Variants in GABRA3 observed in about 807,000 individuals in gnomAD.
GABRA3 encodes the protein gamma-aminobutyric acid receptor subunit alpha-3.
GABRA3 carries 10 observed loss-of-function variants against 30.1 expected under a neutral mutation model. The observed-to-expected ratio is 0.33, with a 90% confidence interval of 0.20 to 0.56. GABRA3 has a LOEUF of 0.56. GABRA3 is among the 20% of genes least tolerant of loss of function. GABRA3 has a pLI of 0.89. For synonymous variants in GABRA3, 151 were observed against 146.8 expected (o/e 1.03, Z -0.21); for missense variants, 233 against 392.0 (o/e 0.59, Z 3.42).
intron 3 of GABRA3, among the ~76,000 whole-genome samples, chrX:152,325,747 A>T (rs947976781): frequency 9.6e-4 from 107 of 111,931 alleles, no homozygotes; most frequent in Non-Finnish European, 1.4e-3. Context: ...GATGGGGAGA[A>T]ACCAGAGCAG....
chrX:152,260,243 C>T (rs1420011910), intron 4 of GABRA3, among the ~76,000 whole-genome samples: 1 of 111,312 alleles, frequency 9.0e-6, no homozygotes, highest in Non-Finnish European at 1.9e-5. Flanking sequence ...AGGTAGATTT[C>T]TATTTATGAC....
intron 2 of GABRA3, among the ~76,000 whole-genome samples, chrX:152,362,115 C>T (rs1928526054): frequency 9.0e-6 from 1 of 110,858 alleles, no homozygotes; most frequent in Non-Finnish European, 1.9e-5. Flanking sequence ...GCAGCCTCAG[C>T]CCCAGAGATT....
chrX:152,222,355 G>A (rs915978845), intron 6 of GABRA3, among the ~76,000 whole-genome samples: 4 of 105,644 alleles, frequency 3.8e-5, no homozygotes, highest in African/African-American at 6.9e-5. Flanking sequence ...CATTGAATTC[G>A]AATTTAAGAT....
At chrX:152,332,373 T>A (rs1940176484) in intron 3 of GABRA3, among the ~76,000 whole-genome samples, 1 of 111,755 alleles carries the variant, frequency 8.9e-6, no homozygotes, top group African/African-American at 3.3e-5. Flanking sequence ...AAAGCTATGC[T>A]AAGATTGCTA....
chrX:152,369,698 T>G (rs987263706), intron 1 of GABRA3, among the ~76,000 whole-genome samples: 25 of 111,632 alleles, frequency 2.2e-4, no homozygotes, highest in Non-Finnish European at 3.8e-5. Flanking sequence ...TCATACATCC[T>G]ATACAGTTGT....
chrX:152,357,301 T>A (rs1047306652), intron 2 of GABRA3, among the ~76,000 whole-genome samples: 7 of 111,962 alleles, frequency 6.3e-5, no homozygotes, highest in African/African-American at 2.3e-4. Context: ...ATAATTTGAC[T>A]TTTTAATAAT....
chrX:152,409,954 T>A (rs972263375), intron 1 of GABRA3, among the ~76,000 whole-genome samples: 2 of 112,621 alleles, frequency 1.8e-5, no homozygotes, highest in African/African-American at 6.4e-5. Flanking sequence ...AAATAGAGAA[T>A]CAACCTAAAG....
At chrX:152,190,882 A>C (rs1937316198) in intron 8 of GABRA3, among the ~76,000 whole-genome samples, 1 of 108,487 alleles carries the variant, frequency 9.2e-6, no homozygotes, top group African/African-American at 3.3e-5. Context: ...ATATATATAT[A>C]TATATAATAT....
Position 152,374,343 on chromosome X carries a change from T to C in GABRA3, c.-26-9747A>G, listed in dbSNP as rs1386249856. 6.3e-4 allele frequency among the ~76,000 whole-genome samples: 54 copies of C among 85,143 alleles called. 1 individual carries two copies. Among genetic ancestry groups the C allele is most frequent in the African/African-American group, 1.9e-3 (43 of 22,669 alleles). 73.9% of individuals were successfully genotyped at this position (85,143 alleles called of 115,157 possible). A position where few individuals can be genotyped will look rare whatever the true frequency, so the allele number is the denominator to read the frequency against. On this transcript the variant is annotated intron_variant, in intron 1 of 9. Coordinates refer to ENST00000370314, the MANE Select transcript of GABRA3 (RefSeq NM_000808.4). ...CAATTTTTTCTTTTCTTTTCTTTTT[T>C]TTTTTTTTTTTTTTTTGAGATGGAA...
chrX:152,204,464 C>T, intron 7 of GABRA3, among the ~76,000 whole-genome samples: 1 of 111,316 alleles, frequency 9.0e-6, no homozygotes, highest in Non-Finnish European at 1.9e-5. Flanking sequence ...AAGTTTGCTG[C>T]CTTGTTTCCA....
chrX:152,368,107 AATTTCTTCCCCCTGCTCATAATCCTCCC>A (rs1928705306), intron 1 of GABRA3, among the ~76,000 whole-genome samples: 1 of 111,787 alleles, frequency 8.9e-6, no homozygotes. Context: ...TAAGGCAGAT[AATTTCTTCCCCCTGCTCATAATCCTCCC>A]ATTTCTTCCC....
At chrX:152,200,411 C>CA (rs1937467351) in intron 7 of GABRA3, among the ~76,000 whole-genome samples, 3 of 112,244 alleles carry the variant, frequency 2.7e-5, no homozygotes, top group Admixed American at 1.9e-4. Flanking sequence ...TATGTGAACA[C>CA]AAAAAATACA....
At chrX:152,246,273 A>G (rs147051224) in intron 5 of GABRA3, among the ~76,000 whole-genome samples, 279 of 111,994 alleles carry the variant, frequency 2.5e-3, no homozygotes, top group African/African-American at 8.6e-3. Context: ...ATGAACTTTT[A>G]AACAGACTCA....
chrX:152,284,343 C>A (rs983259953), intron 4 of GABRA3, among the ~76,000 whole-genome samples: 2 of 111,302 alleles, frequency 1.8e-5, no homozygotes, highest in African/African-American at 6.5e-5. Flanking sequence ...CTACCTGTAC[C>A]AATATGTGTG....
chrX:152,256,991 G>A (rs1352084466), intron 4 of GABRA3, among the ~76,000 whole-genome samples: 1 of 111,372 alleles, frequency 9.0e-6, no homozygotes, highest in Non-Finnish European at 1.9e-5. Flanking sequence ...ATCCCAGAAG[G>A]GATGGGCCTC....
At chrX:152,356,032 A>G (rs1940544395) in intron 2 of GABRA3, among the ~76,000 whole-genome samples, 2 of 111,511 alleles carry the variant, frequency 1.8e-5, no homozygotes, top group African/African-American at 6.5e-5. Context: ...AGATTAAAAA[A>G]TCAGATTAGA....
At chrX:152,414,335 T>C (rs978414566) in intron 1 of GABRA3, among the ~76,000 whole-genome samples, 1 of 111,335 alleles carries the variant, frequency 9.0e-6, no homozygotes, top group African/African-American at 3.3e-5. Context: ...CTGCATGTAT[T>C]GAAGTAACCT....
In GABRA3 at chrX:152,167,835, A is replaced by G. The variant is rs1249572016; in HGVS notation, c.*393T>C. On this transcript the variant is annotated 3_prime_UTR_variant, in exon 10 of 10. Transcript: ENST00000370314. The stretch of plus-strand genomic sequence containing the variant: ...AGTAAGTTAGAGTCATCTGATCTAG[A>G]TGGGAGTCAACAATTCTCCTTGTTC... 1 of 165,618 alleles carries G rather than the reference A, an allele frequency of 6.0e-6. No homozygotes were observed. The highest frequency in any genetic ancestry group is 1.1e-5 in the Non-Finnish European group (1 of 88,157). 13.6% of individuals were successfully genotyped at this position (165,618 alleles called of 1,213,427 possible).
chrX:152,397,196 G>C (rs1340601587), intron 1 of GABRA3, among the ~76,000 whole-genome samples: 1 of 111,889 alleles, frequency 8.9e-6, no homozygotes, highest in Non-Finnish European at 1.9e-5. Flanking sequence ...GCTTCTATAA[G>C]AGACGGCTTG....
Sources: gnomAD v4.1 joint callset for allele counts (sites outside exome capture counted in the v4.1 genomes callset) on GRCh38, gnomAD v4.1.1 for gene constraint, MANE v1.5 for transcripts, NCBI Gene and HGNC (gene_info 2026-07-23, HGNC 2026-07-21) for gene names.